Variants in DMTN observed in about 807,000 individuals in gnomAD.
DMTN encodes dematin actin binding protein.
Under a neutral mutation model 59.4 loss-of-function variants are expected in DMTN, and 27 were observed. The observed-to-expected ratio is 0.45, with a 90% CI of 0.33 to 0.63. The LOEUF is 0.63. DMTN is among the 20% of genes least tolerant of loss of function. The pLI is 0.02. For synonymous variants in DMTN, 221 were observed against 203.7 expected (o/e 1.08, Z -0.72); for missense variants, 451 against 528.9 (o/e 0.85, Z 1.45).
intron 1 of DMTN, among the ~76,000 whole-genome samples, chr8:22,063,556 C>G (rs924410070): frequency 1.3e-5 from 2 of 152,308 alleles, no homozygotes; most frequent in Admixed American, 1.3e-4. Context: ...TGGCCTCAAC[C>G]TCCTGTCCCA....
chr8:22,055,996 CAGGGCGA>C (rs1253460971), upstream of DMTN, among the ~76,000 whole-genome samples: 2 of 152,154 alleles, frequency 1.3e-5, no homozygotes, highest in African/African-American at 2.4e-5. Context: ...ACATTGGGGC[CAGGGCGA>C]GGGTCGAGGG....
rs556060177 is a variant in DMTN, at chr8:22,081,992, C to T, written c.*529C>T. ...CTCCGGCAGGGAGGTCACCCCTCCACTTCAGCTTGCCCTGACCTCCGCTCG... is the reference window on the plus strand; with the variant it reads ...CTCCGGCAGGGAGGTCACCCCTCCATTTCAGCTTGCCCTGACCTCCGCTCG... On this transcript the variant is annotated 3_prime_UTR_variant, in exon 16 of 16. Coordinates refer to ENST00000358242, the MANE Select transcript of DMTN (RefSeq NM_001387751.1). 1.1e-5 allele frequency: 5 copies of T among 456,990 alleles called. No homozygotes were observed. Among genetic ancestry groups the T allele is most frequent in the South Asian group, 7.7e-5 (5 of 64,574 alleles). The allele number at this position is 456,990 out of a possible 1,614,324, so 28.3% of individuals were successfully genotyped here.
Position 22,081,339 on chromosome 8 carries a change from C to G in DMTN, c.1105-11C>G, listed in dbSNP as rs764945043. The G allele has an allele frequency of 1.9e-6, 3 of 1,612,884 alleles. No individual in the cohort carries two copies. The highest frequency in any genetic ancestry group is 2.7e-5 in the African/African-American group (2 of 74,988). On this transcript the variant is annotated splice_polypyrimidine_tract_variant and intron_variant, in intron 15 of 15. Transcript: ENST00000358242. ...CCCTCCATGCTGAGCTGCCCCGATT[C>G]CCCCATGTAGAGGCATCTGTCTGCC...
At chr8:22,067,256 G>C in intron 3 of DMTN, 97 bp downstream of exon 3, 2 of 1,384,134 alleles carry the variant, frequency 1.4e-6, no homozygotes, top group Non-Finnish European at 2.0e-6. Flanking sequence ...AGCCTCCCCA[G>C]TGGTGGTCCC....
At position 22,066,908 on chromosome 8, in the gene DMTN, C is replaced by G; in HGVS notation, c.18+15C>G. 2.4e-6 allele frequency: 3 copies of G among 1,255,822 alleles called. No individual in the cohort carries two copies. The highest frequency in any genetic ancestry group is 3.0e-6 in the Non-Finnish European group (3 of 999,452). 77.8% of individuals were successfully genotyped at this position (1,255,822 alleles called of 1,614,324 possible). ...GGCTGCAGAAGGTGCGCGGCGCCGC[C>G]CCGGGCCGGGGCCGCCGAGGGCGGG... On this transcript the variant is annotated intron_variant, in intron 2 of 15. Transcript: ENST00000358242.
chr8:22,064,803 C>A (rs1481664354), intron 1 of DMTN, among the ~76,000 whole-genome samples: 1 of 152,160 alleles, frequency 6.6e-6, no homozygotes, highest in African/African-American at 2.4e-5. Flanking sequence ...GAATTCCAAA[C>A]AGACTTGAGA....
chr8:22,062,968 T>A (rs1021859116), intron 1 of DMTN, among the ~76,000 whole-genome samples: 1 of 152,196 alleles, frequency 6.6e-6, no homozygotes, highest in Non-Finnish European at 1.5e-5. Context: ...TTCTTTTCAG[T>A]TCCCCAGGTT....
chr8:22,075,539 T>TTTTA (rs10669729), intron 10 of DMTN, among the ~76,000 whole-genome samples: 2 of 147,536 alleles, frequency 1.4e-5, no homozygotes, highest in African/African-American at 2.5e-5. Flanking sequence ...TTTTTTTTTT[T>TTTTA]AGACAGAGTC....
intron 4 of DMTN, among the ~76,000 whole-genome samples, chr8:22,068,583 G>A (rs1013322950): frequency 2.6e-5 from 4 of 151,884 alleles, no homozygotes; most frequent in Non-Finnish European, 2.9e-5. Context: ...ATGAGAGAGG[G>A]ATAGAGGAGA....
intron 12 of DMTN, 23 bp downstream of exon 12, chr8:22,080,483 G>A (rs748672173): frequency 3.9e-5 from 63 of 1,614,106 alleles, no homozygotes; most frequent in African/African-American, 5.3e-5. Context: ...GCCTGGTGCC[G>A]GGGTCTGGAG....
At position 22,080,787 on chromosome 8, in the gene DMTN, C is replaced by T. The variant is rs753148941; in HGVS notation, c.958-18C>T. The T allele has an allele frequency of 1.1e-5, 18 of 1,607,296 alleles. No individual in the cohort carries two copies. The highest frequency in any genetic ancestry group is 1.6e-4 in the Middle Eastern group (1 of 6,066). Reference sequence around the variant, plus strand: ...CTCCCTGCCCCGCTCTGGCTCACTGCGGCTTTGGTCTCCCCAGAACGGAGA... The same window carrying T: ...CTCCCTGCCCCGCTCTGGCTCACTGTGGCTTTGGTCTCCCCAGAACGGAGA... On this transcript the variant is annotated intron_variant, in intron 13 of 15. Transcript: ENST00000358242.
At chr8:22,051,125 G>A (rs1489078975), upstream of DMTN, among the ~76,000 whole-genome samples, 1 of 152,134 alleles carries the variant, frequency 6.6e-6, no homozygotes, top group East Asian at 1.9e-4. Context: ...AGCCACAGGG[G>A]GCTAATTGCT....
At position 22,081,139 on chromosome 8, in the gene DMTN, G is replaced by T; in HGVS notation, c.1050G>T (p.Val350=). 1 of 1,611,482 alleles carries T rather than the reference G, an allele frequency of 6.2e-7. No individual in the cohort carries two copies. The highest frequency in any genetic ancestry group is 1.1e-5 in the South Asian group (1 of 90,944). ...QKIYPYEMLV[V]TNKGRTKLPP... ...TCTATCCCTATGAAATGCTAGTGGT[G>T]ACCAACAAGGGGCGAACCAAGCTGC... is the stretch of plus-strand genomic sequence containing the variant. The change falls in exon 15 of 16, where the codon GTG becomes GTT. Residue 350 remains valine, a synonymous_variant. Coordinates refer to ENST00000358242, the MANE Select transcript of DMTN (RefSeq NM_001387751.1).
upstream of DMTN, among the ~76,000 whole-genome samples, chr8:22,056,316 A>G (rs1228206148): frequency 6.6e-6 from 1 of 152,100 alleles, no homozygotes; most frequent in East Asian, 1.9e-4. Context: ...CTCCCAGGAG[A>G]GAGCTCATCC....
In DMTN at chr8:22,080,870, G is replaced by C; in HGVS notation, c.1023G>C (p.Lys341Asn). ...GNSLPCVLEQ[K>N]IYPYEMLVVT... is the part of the protein sequence containing the mutation. Reference sequence around the variant, plus strand: ...CCCTGCCCTGTGTGCTGGAGCAGAAGGTGAGGGGCAGGGGACACAAGCGCC... The same window carrying C: ...CCCTGCCCTGTGTGCTGGAGCAGAACGTGAGGGGCAGGGGACACAAGCGCC... The change falls in exon 14 of 16, where the codon AAG becomes AAC. Residue 341 changes from lysine to asparagine, a missense_variant and splice_region_variant. By Grantham distance (94) the Lys-to-Asn change is moderately conservative. Coordinates refer to ENST00000358242, the MANE Select transcript of DMTN (RefSeq NM_001387751.1). 1 of 1,568,612 alleles carries C rather than the reference G, an allele frequency of 6.4e-7. No individual in the cohort carries two copies. Among genetic ancestry groups the C allele is most frequent in the African/African-American group, 1.4e-5 (1 of 74,012 alleles).
intron 1 of DMTN, among the ~76,000 whole-genome samples, chr8:22,063,056 C>T (rs1157431183): frequency 1.3e-5 from 2 of 152,138 alleles, no homozygotes; most frequent in Non-Finnish European, 2.9e-5. Context: ...AAATGGCACC[C>T]ACATCTCTGG....
upstream of DMTN, chr8:22,055,374 TC>T (rs1198605630): frequency 6.6e-6 from 1 of 152,276 alleles, no homozygotes; most frequent in African/African-American, 2.4e-5. Flanking sequence ...CCGAGAGAGA[TC>T]ATCTAGGGCT....
intron 10 of DMTN, among the ~76,000 whole-genome samples, chr8:22,075,435 A>G (rs1032865176): frequency 1.7e-4 from 25 of 147,440 alleles, no homozygotes; most frequent in Non-Finnish European, 2.4e-4. Context: ...TGCAACCTCT[A>G]TCTTCTGGGC....
upstream of DMTN, among the ~76,000 whole-genome samples, chr8:22,050,858 G>A (rs1029941851): frequency 3.3e-5 from 5 of 152,204 alleles, no homozygotes; most frequent in African/African-American, 1.2e-4. Context: ...TCCAGGCACT[G>A]CCATTCCCCA....
Sources: gnomAD v4.1 joint callset for allele counts (sites outside exome capture counted in the v4.1 genomes callset) on GRCh38, gnomAD v4.1.1 for gene constraint, MANE v1.5 for transcripts, NCBI Gene and HGNC (gene_info 2026-07-23, HGNC 2026-07-21) for gene names.